Variants in PIGN observed in about 807,000 individuals in gnomAD.
PIGN encodes the protein GPI ethanolamine phosphate transferase 1.
Under a neutral mutation model 125.4 loss-of-function variants are expected in PIGN, and 117 were observed. The observed-to-expected ratio is 0.93, with a 90% CI of 0.80 to 1.09. PIGN has a LOEUF of 1.09. PIGN is among the 50% of genes least tolerant of loss of function. The pLI is 0.00. For missense variants in PIGN, 1,075 were observed against 1,094.9 expected (o/e 0.98, Z 0.26); for synonymous variants, 392 against 377.8 (o/e 1.04, Z -0.44).
At chr18:62,186,644 GCATGT>G (rs1455343453) in intron 1 of PIGN, among the ~76,000 whole-genome samples, 195 bp downstream of exon 1, 1 of 152,204 alleles carries the variant, frequency 6.6e-6, no homozygotes, top group East Asian at 1.9e-4. Context: ...GAGTGTGCAA[GCATGT>G]GGCAGAGAAG....
At chr18:62,021,639 C>T (rs1322181780) in intron 23 of PIGN, among the ~76,000 whole-genome samples, 10 of 152,176 alleles carry the variant, frequency 6.6e-5, no homozygotes, top group African/African-American at 2.4e-4. Context: ...GGTGCCCCCA[C>T]CAGGATTTCT....
chr18:62,146,055 CAAATAT>C (rs2147271389), intron 9 of PIGN, 30 bp from the exon 10 acceptor site: 3 of 985,190 alleles, frequency 3.0e-6, no homozygotes, highest in Non-Finnish European at 3.0e-6. Flanking sequence ...AATAATAAGA[CAAATAT>C]AGAAGAACTA....
At chr18:62,079,018 C>A (rs2033318265) in intron 28 of PIGN, among the ~76,000 whole-genome samples, 1 of 152,128 alleles carries the variant, frequency 6.6e-6, no homozygotes, top group South Asian at 2.1e-4. Context: ...TTCTTTTCTG[C>A]CCCTGCCAAC....
At chr18:62,051,669 T>C (rs1243723977) in intron 30 of PIGN, 4 of 152,182 alleles carry the variant, frequency 2.6e-5, no homozygotes, top group Admixed American at 2.6e-4. Context: ...GATTCCTTAA[T>C]TTTTTGAAGG....
At chr18:62,063,264 G>T (rs514631) in intron 30 of PIGN, among the ~76,000 whole-genome samples, 6,527 of 22,916 alleles carry the variant, frequency 0.28, 270 homozygotes, top group Middle Eastern at 0.35. Context: ...ATAGATTTTA[G>T]CCAAAATCTA....
At chr18:62,117,402 T>C (rs916247130) in intron 14 of PIGN, among the ~76,000 whole-genome samples, 65 of 151,998 alleles carry the variant, frequency 4.3e-4, no homozygotes, top group African/African-American at 1.5e-3. Flanking sequence ...GAATGCCATA[T>C]GTGAACTAAA....
intron 16 of PIGN, chr18:62,110,238 C>A: frequency 3.2e-6 from 1 of 312,564 alleles, no homozygotes; most frequent in Non-Finnish European, 5.9e-6. Flanking sequence ...AGTTTGTTTG[C>A]AAGTAACTTG....
chr18:62,049,751 G>A (rs1215647652), intron 30 of PIGN, among the ~76,000 whole-genome samples: 1 of 151,914 alleles, frequency 6.6e-6, no homozygotes, highest in African/African-American at 2.4e-5. Flanking sequence ...TGCTTTTGGT[G>A]TTTTAGACAT....
At chr18:62,046,124 T>C (rs745957541) in intron 30 of PIGN, 145 bp from the exon 31 acceptor site, 3 of 774,024 alleles carry the variant, frequency 3.9e-6, no homozygotes, top group Middle Eastern at 3.2e-4. Flanking sequence ...TTCCTCCTGC[T>C]AAGTACAGCT....
intron 23 of PIGN, among the ~76,000 whole-genome samples, chr18:62,019,846 C>T (rs561189978): frequency 2.1e-4 from 32 of 152,318 alleles, no homozygotes; most frequent in African/African-American, 7.2e-4. Flanking sequence ...GACTGTGGTC[C>T]CTGACAGTCC....
intron 22 of PIGN, among the ~76,000 whole-genome samples, chr18:62,100,212 G>A (rs62095312): frequency 0.17 from 25,972 of 152,102 alleles, 2,947 homozygotes; most frequent in Middle Eastern, 0.29. Flanking sequence ...GGTATATGAA[G>A]AAATATTCAC....
intron 30 of PIGN, among the ~76,000 whole-genome samples, chr18:62,047,568 C>A (rs1396003317): frequency 6.6e-6 from 1 of 152,080 alleles, no homozygotes; most frequent in Non-Finnish European, 1.5e-5. Context: ...TGCAGGGTGC[C>A]GTAACGCTGG....
rs546137230 is a variant in PIGN, at chr18:62,019,128, A to G, written c.2143-1387T>C. ...GGAGGCTGAGATGGGAGGATCCCTC[A>G]AGTCTAGGAGTTTCAGGCTGCAGTG... On this transcript the variant is annotated intron_variant, in intron 23 of 24. Coordinates refer to the PIGN transcript ENST00000639600. Among the ~76,000 whole-genome samples the G allele has an allele frequency of 2.0e-5, 3 of 152,306 alleles. No individual in the cohort carries two copies. In the East Asian group the frequency reaches 5.8e-4, roughly 29 times the overall value.
At chr18:62,136,832 T>C (rs1353382284) in intron 14 of PIGN, 1 of 374,728 alleles carries the variant, frequency 2.7e-6, no homozygotes, top group Non-Finnish European at 4.7e-6. Context: ...CAGTCAGTAG[T>C]GCAGAGCCAG....
Position 62,026,929 on chromosome 18 carries a change from G to A in PIGN, c.2143-9188C>T, listed in dbSNP as rs369693759. 3.2e-4 allele frequency among the ~76,000 whole-genome samples: 49 copies of A among 152,302 alleles called. 4 individuals carry two copies. Among genetic ancestry groups the A allele is most frequent in the South Asian group, 2.7e-3 (13 of 4,828 alleles). The stretch of plus-strand genomic sequence containing the variant: ...AAGGAGGCTGACGGGGGGCCAAGGC[G>A]CGGTGGCTCACGCCTGTAATTCCAG... On this transcript the variant is annotated intron_variant, in intron 23 of 24. Coordinates refer to the PIGN transcript ENST00000639600.
chr18:62,031,997 G>A (rs11152326), intron 23 of PIGN, among the ~76,000 whole-genome samples: 1 of 152,172 alleles, frequency 6.6e-6, no homozygotes, highest in South Asian at 2.1e-4. Flanking sequence ...GACTCCAGGT[G>A]TTCCTTGGCT....
intron 1 of PIGN, among the ~76,000 whole-genome samples, chr18:62,181,135 A>G (rs2037702974): frequency 6.6e-6 from 1 of 152,190 alleles, no homozygotes; most frequent in African/African-American, 2.4e-5. Context: ...CAGAAAGAAA[A>G]AGGTTTTAAA....
rs549802383 is a variant in PIGN at position 62,079,502 on chromosome 18, C to A, written c.2576+3171G>T. On this transcript the variant is annotated intron_variant, in intron 28 of 30. Transcript: ENST00000640252. ...TTTAGATTTAAGACTGACTTAAGAG[C>A]CTTTTCCTTTTGATTTCATAGAATA... Among the ~76,000 whole-genome samples, 5 of 152,176 alleles carry A rather than the reference C, an allele frequency of 3.3e-5. No individual in the cohort carries two copies. The East Asian group carries it at 7.7e-4, about 23-fold the overall frequency.
At chr18:62,100,530 C>T (rs1405653042) in intron 22 of PIGN, among the ~76,000 whole-genome samples, 1 of 152,226 alleles carries the variant, frequency 6.6e-6, no homozygotes, top group Non-Finnish European at 1.5e-5. Context: ...TTGCTCTTGT[C>T]TTCCAACTGG....
Sources: allele counts gnomAD v4.1 joint callset (sites outside exome capture counted in the v4.1 genomes callset), GRCh38; gene constraint gnomAD v4.1.1; transcripts MANE v1.5; gene names NCBI Gene and HGNC (gene_info 2026-07-23, HGNC 2026-07-21).